Variants in ANKRD36 observed in about 807,000 individuals in gnomAD.
The protein encoded by ANKRD36 is ankyrin repeat domain 36.
In ANKRD36, 179 loss-of-function variants were observed where a neutral mutation model predicts 278.1. The ratio of observed to expected loss-of-function variants is 0.64; its 90% CI spans 0.57 to 0.73. The LOEUF is 0.73. Among genes scored for constraint, ANKRD36 ranks in the 30% least tolerant of loss-of-function variants. ANKRD36 has a pLI of 0.00. For synonymous variants in ANKRD36, 320 were observed against 641.1 expected (o/e 0.50, Z 7.57); for missense variants, 1,159 against 1,956.7 (o/e 0.59, Z 7.69).
chr2:97,191,256 C>G, intron 36 of ANKRD36, 75 bp downstream of exon 36: 1 of 1,430,520 alleles, frequency 7.0e-7, no homozygotes, highest in South Asian at 1.3e-5. Context: ...AATGAATTGG[C>G]CTGGGGCTCG....
intron 31 of ANKRD36, 40 bp downstream of exon 31, chr2:97,187,266 A>G (rs1476307417): frequency 1.9e-6 from 3 of 1,607,714 alleles, no homozygotes; most frequent in South Asian, 2.2e-5. Flanking sequence ...TAGTAAATCT[A>G]TAGTCTATGA....
intron 58 of ANKRD36, 50 bp downstream of exon 58, chr2:97,211,791 ACTTCT>A (rs2064714738): frequency 1.3e-6 from 2 of 1,509,042 alleles, no homozygotes; most frequent in African/African-American, 2.8e-5. Flanking sequence ...GTAGAAGAGA[ACTTCT>A]CTTCACCAAA....
intron 75 of ANKRD36, among the ~76,000 whole-genome samples, chr2:97,260,365 T>C (rs1240118454): frequency 7.9e-6 from 1 of 126,534 alleles, no homozygotes; most frequent in East Asian, 3.5e-4. Context: ...TATATATATA[T>C]ATATATATAT....
At chr2:97,181,343 C>T (rs571341063) in intron 24 of ANKRD36, among the ~76,000 whole-genome samples, 5 of 151,478 alleles carry the variant, frequency 3.3e-5, no homozygotes, top group Admixed American at 2.6e-4. Flanking sequence ...GATATTGACA[C>T]GGTTTTATTT....
At chr2:97,258,923 A>G (rs1179865403) in intron 75 of ANKRD36, among the ~76,000 whole-genome samples, 2 of 143,996 alleles carry the variant, frequency 1.4e-5, no homozygotes, top group Non-Finnish European at 3.0e-5. Flanking sequence ...TGTTTGGGAA[A>G]TTTTTAGTCA....
At chr2:97,224,610 C>T (rs1343807130) in intron 66 of ANKRD36, among the ~76,000 whole-genome samples, 196 bp from the exon 67 acceptor site, 1 of 152,010 alleles carries the variant, frequency 6.6e-6, no homozygotes, top group African/African-American at 2.4e-5. Flanking sequence ...CCACCACGCC[C>T]AGCTAATTTT....
rs192848059 is a variant in ANKRD36 at position 97,207,791 on chromosome 2, G to A, written c.3164-20G>A. 6.5e-7 allele frequency: 1 copy of A among 1,545,370 alleles called. No individual in the cohort carries two copies. Among genetic ancestry groups the A allele is most frequent in the Non-Finnish European group, 8.7e-7 (1 of 1,143,704 alleles). Reference sequence around the variant, plus strand: ...GTCATTTTTACACATGAGTGATTATGAATCCCTTTTACTTTTCAGTGTCTT... The same window carrying A: ...GTCATTTTTACACATGAGTGATTATAAATCCCTTTTACTTTTCAGTGTCTT... On this transcript the variant is annotated intron_variant, in intron 52 of 75. Transcript: ENST00000420699.
At chr2:97,135,718 T>C (rs887624811) in intron 6 of ANKRD36, among the ~76,000 whole-genome samples, 1 of 151,748 alleles carries the variant, frequency 6.6e-6, no homozygotes, top group Non-Finnish European at 1.5e-5. Flanking sequence ...ATATATAATG[T>C]GTATGCACTT....
intron 36 of ANKRD36, among the ~76,000 whole-genome samples, chr2:97,191,529 A>C (rs1010672108): frequency 1.3e-5 from 2 of 151,702 alleles, no homozygotes; most frequent in Non-Finnish European, 2.9e-5. Flanking sequence ...TACAAACGTC[A>C]CATCGTACTG....
At position 97,131,960 on chromosome 2, in the gene ANKRD36, C is replaced by T. The variant is rs377099839; in HGVS notation, c.799+4826C>T. 9.5e-4 allele frequency among the ~76,000 whole-genome samples: 144 copies of T among 151,852 alleles called. 2 individuals are homozygous for T. The highest frequency in any genetic ancestry group is 3.4e-3 in the Middle Eastern group (1 of 294). On this transcript the variant is annotated intron_variant, in intron 6 of 75. Transcript: ENST00000420699. ...TCTCCTGCTTCAGCCTCCCAAGTAG[C>T]TGGGACTACAGGCCTGCACCACCAC...
At chr2:97,201,228 T>TA (rs2061295830) in intron 46 of ANKRD36, among the ~76,000 whole-genome samples, 1 of 151,916 alleles carries the variant, frequency 6.6e-6, no homozygotes, top group African/African-American at 2.4e-5. Flanking sequence ...TGATTTTAGT[T>TA]ATAGAAATGA....
chr2:97,193,157 T>A, intron 38 of ANKRD36, 104 bp downstream of exon 38: 2 of 1,154,610 alleles, frequency 1.7e-6, no homozygotes, highest in African/African-American at 1.6e-5. Context: ...CACATTCTGA[T>A]TCAGCAGTCC....
At chr2:97,130,435 G>A (rs1310866846) in intron 6 of ANKRD36, among the ~76,000 whole-genome samples, 5 of 135,906 alleles carry the variant, frequency 3.7e-5, no homozygotes, top group Admixed American at 7.8e-5. Flanking sequence ...ATCACACACC[G>A]GGGACTGTTG....
intron 60 of ANKRD36, among the ~76,000 whole-genome samples, chr2:97,214,432 A>G (rs1227285631): frequency 1.3e-5 from 2 of 150,534 alleles, no homozygotes; most frequent in South Asian, 4.2e-4. Context: ...AGAGAATAGC[A>G]TGATATTCCT....
chr2:97,159,378 A>G (rs2048285864), intron 17 of ANKRD36, among the ~76,000 whole-genome samples: 1 of 152,110 alleles, frequency 6.6e-6, no homozygotes, highest in African/African-American at 2.4e-5. Flanking sequence ...ATTAGATTAT[A>G]TAGATGGATC....
chr2:97,136,219 T>G (rs965560003), intron 6 of ANKRD36, among the ~76,000 whole-genome samples: 3 of 147,266 alleles, frequency 2.0e-5, no homozygotes, highest in Non-Finnish European at 4.5e-5. Flanking sequence ...GTAGCTGTAT[T>G]CAGCTACCTG....
chr2:97,131,441 C>G (rs2040124766), intron 6 of ANKRD36, among the ~76,000 whole-genome samples: 1 of 152,046 alleles, frequency 6.6e-6, no homozygotes, highest in Admixed American at 6.6e-5. Flanking sequence ...TCAAGTGATC[C>G]TCCTGCCTCA....
chr2:97,204,457 A>T (rs2062274757), intron 50 of ANKRD36, among the ~76,000 whole-genome samples, 194 bp downstream of exon 50: 1 of 151,662 alleles, frequency 6.6e-6, no homozygotes, highest in Non-Finnish European at 1.5e-5. Flanking sequence ...GTAAGATTAT[A>T]CACTTCCCCA....
In ANKRD36 at chr2:97,189,334, G is replaced by T. The variant is rs193058613; in HGVS notation, c.2245+44G>T. 8.9e-3 allele frequency: 4,735 copies of T among 529,658 alleles called. 1,081 individuals are homozygous for T. In the East Asian group the frequency reaches 0.17, roughly 19 times the overall value. 32.8% of individuals were successfully genotyped at this position (529,658 alleles called of 1,614,324 possible). A position where few individuals can be genotyped will look rare whatever the true frequency, so the allele number is the denominator to read the frequency against. Reference sequence around the variant, plus strand: ...TTCAATGTCATGTTCAATCCAGATAGAAAAGAACTTCTCTACCCCGAATAA... The same window carrying T: ...TTCAATGTCATGTTCAATCCAGATATAAAAGAACTTCTCTACCCCGAATAA... On this transcript the variant is annotated intron_variant, in intron 34 of 75. Transcript: ENST00000420699.
Sources: allele counts gnomAD v4.1 joint callset (sites outside exome capture counted in the v4.1 genomes callset), GRCh38; gene constraint gnomAD v4.1.1; transcripts MANE v1.5; gene names NCBI Gene and HGNC (gene_info 2026-07-23, HGNC 2026-07-21).